NPNT: variants seen among roughly 807,000 people sequenced by gnomAD.
NPNT encodes the protein preosteoblast EGF-like repeat protein with MAM domain.
Under a neutral mutation model 68.6 loss-of-function variants are expected in NPNT, and 45 were observed. The ratio of observed to expected loss-of-function variants is 0.66; its 90% CI spans 0.52 to 0.84. The LOEUF is 0.84. Ranked by LOEUF, NPNT falls within the 40% of genes least tolerant of loss-of-function variation. NPNT has a pLI of 0.00. For missense variants in NPNT, 672 were observed against 714.8 expected (o/e 0.94, Z 0.68); for synonymous variants, 233 against 253.3 (o/e 0.92, Z 0.76).
intron 2 of NPNT, among the ~76,000 whole-genome samples, chr4:105,906,130 G>A (rs1158879655): frequency 6.6e-6 from 1 of 152,180 alleles, no homozygotes; most frequent in East Asian, 1.9e-4. Context: ...AGATATGTAA[G>A]CCATAGGATC....
At chr4:105,942,232 T>C (rs547077663) in intron 7 of NPNT, 75 bp from the exon 8 acceptor site, 1 of 1,158,992 alleles carries the variant, frequency 8.6e-7, no homozygotes, top group African/African-American at 1.5e-5. Context: ...TAGATGTTTT[T>C]ATGTCTGTCA....
intron 2 of NPNT, among the ~76,000 whole-genome samples, chr4:105,914,115 G>T (rs1439079626): frequency 6.6e-6 from 1 of 151,544 alleles, no homozygotes. Flanking sequence ...TAGGGATAAA[G>T]ATTTGAGGGA....
intron 8 of NPNT, among the ~76,000 whole-genome samples, chr4:105,946,492 A>G (rs989475765): frequency 2.0e-5 from 3 of 152,120 alleles, no homozygotes; most frequent in Middle Eastern, 3.2e-3. Context: ...TCTATTTTCC[A>G]TAAGTGTCCG....
chr4:105,967,544 C>G, intron 11 of NPNT, 100 bp downstream of exon 11: 1 of 1,267,864 alleles, frequency 7.9e-7, no homozygotes, highest in Non-Finnish European at 1.1e-6. Context: ...TGAATTCAGG[C>G]TCAGATAAAG....
In NPNT at chr4:105,940,586, A is replaced by G. The variant is rs961779045; in HGVS notation, c.713A>G (p.Tyr238Cys). 1.2e-6 allele frequency: 2 copies of G among 1,613,286 alleles called. No homozygotes were observed. The highest frequency in any genetic ancestry group is 1.7e-6 in the Non-Finnish European group (2 of 1,179,312). Residue 238 changes from tyrosine to cysteine, a missense_variant, in exon 7 of 12, where the codon TAC (tyrosine) becomes TGC (cysteine). Tyr to Cys is a radical substitution (Grantham distance 194). Coordinates refer to ENST00000379987, the MANE Select transcript of NPNT (RefSeq NM_001033047.3). ...FARCYNIRGS[Y>C]KCKCKEGYQG... The stretch of plus-strand genomic sequence containing the variant: ...CGATGTTATAACATACGTGGGTCCT[A>G]CAAGTGCAAATGTAAAGAAGGATAC...
intron 2 of NPNT, among the ~76,000 whole-genome samples, chr4:105,920,395 T>TAAAAAAAAAAAAAAAAAAAAAAAAAA (rs11355483): frequency 7.6e-5 from 6 of 79,458 alleles, no homozygotes; most frequent in African/African-American, 2.1e-4. Flanking sequence ...GTTACTCTAC[T>TAAAAAAAAAAAAAAAAAAAAAAAAAA]AAAAAAAAAA....
At chr4:105,939,840 G>A (rs532368701) in intron 5 of NPNT, among the ~76,000 whole-genome samples, 2 of 152,148 alleles carry the variant, frequency 1.3e-5, no homozygotes, top group African/African-American at 4.8e-5. Context: ...GGTAGATACA[G>A]GTGCAGTATG....
rs189152971 is a variant in NPNT at position 105,903,232 on chromosome 4, C to A, written c.172+5231C>A. ...CTCCTGTGTGTAACTTCCAGCATTT[C>A]TTTTTGTTGCTTTTTATCTACAGAA... On this transcript the variant is annotated intron_variant, in intron 2 of 11. Coordinates refer to ENST00000379987, the MANE Select transcript of NPNT (RefSeq NM_001033047.3). Among the ~76,000 whole-genome samples, 377 of 152,314 alleles carry A rather than the reference C, an allele frequency of 2.5e-3. 2 individuals carry two copies. Among genetic ancestry groups the A allele is most frequent in the African/African-American group, 8.7e-3 (361 of 41,564 alleles).
chr4:105,948,446 A>G (rs1328768130), intron 8 of NPNT, among the ~76,000 whole-genome samples: 1 of 152,160 alleles, frequency 6.6e-6, no homozygotes, highest in Non-Finnish European at 1.5e-5. Context: ...TGTAAAATTG[A>G]GGGAATATTC....
At chr4:105,956,121 T>A (rs959306561) in intron 8 of NPNT, among the ~76,000 whole-genome samples, 1 of 148,478 alleles carries the variant, frequency 6.7e-6, no homozygotes, top group Non-Finnish European at 1.5e-5. Context: ...AAGTTGTTAC[T>A]TGACTAATTC....
intron 9 of NPNT, 173 bp from the exon 10 acceptor site, chr4:105,958,855 A>G (rs1478578364): frequency 1.7e-6 from 1 of 581,282 alleles, no homozygotes; most frequent in East Asian, 2.8e-5. Context: ...CAGATGATGC[A>G]CTATTGTGCT....
In NPNT at chr4:105,971,377, A is replaced by G. The variant is rs1316946217; in HGVS notation, c.*2387A>G. On this transcript the variant is annotated 3_prime_UTR_variant, in exon 12 of 12. Transcript: ENST00000379987. ...GTAAAGGCAGGGCTGGAGGGGGAAAATAAATCATTAAGCCTTTGAGTAACG... is the reference window on the plus strand; with the variant it reads ...GTAAAGGCAGGGCTGGAGGGGGAAAGTAAATCATTAAGCCTTTGAGTAACG... 4.0e-6 allele frequency: 1 copy of G among 250,408 alleles called. No homozygotes were observed. The highest frequency in any genetic ancestry group is 2.2e-5 in the African/African-American group (1 of 45,554). The allele number at this position is 250,408 out of a possible 1,614,324, so 15.5% of individuals were successfully genotyped here. A position where few individuals can be genotyped will look rare whatever the true frequency, so the allele number is the denominator to read the frequency against.
rs568266387 is a variant in NPNT, at chr4:105,912,097, C to T, written c.172+14096C>T. The T allele has an allele frequency of 1.4e-4, 117 of 853,920 alleles. No individual in the cohort carries two copies. The African/African-American group carries it at 1.8e-3, about 13-fold the overall frequency. The allele number at this position is 853,920 out of a possible 1,614,324, so 52.9% of individuals were successfully genotyped here. On this transcript the variant is annotated intron_variant, in intron 2 of 11. Transcript: ENST00000379987. ...CTGAAAGTTGAATATGTGTAAGTCT[C>T]CGGGAATGTAACAAGTTGATAAATA... is the stretch of plus-strand genomic sequence containing the variant.
At chr4:105,912,159 A>G in intron 2 of NPNT, 1 of 1,506,430 alleles carries the variant, frequency 6.6e-7, no homozygotes, top group Non-Finnish European at 8.9e-7. Context: ...AAGATCTGGA[A>G]TTTCTTTTTT....
chr4:105,924,041 C>T lies in NPNT; in HGVS notation c.173-3295C>T, dbSNP rs536897860. ...TAAGAAGCAGTCCCCTTTGCTGCGC[C>T]CCCCCCCCACCACTTTGCTTATATT... On this transcript the variant is annotated intron_variant, in intron 2 of 11. Transcript: ENST00000379987. Among the ~76,000 whole-genome samples, 1,107 of 135,740 alleles carry T rather than the reference C, an allele frequency of 8.2e-3. 24 individuals are homozygous for T. Among genetic ancestry groups the T allele is most frequent in the Middle Eastern group, 7.0e-3 (2 of 286 alleles). 89.1% of individuals were successfully genotyped at this position (135,740 alleles called of 152,430 possible).
chr4:105,958,805 CATT>C, intron 9 of NPNT: 2 of 546,146 alleles, frequency 3.7e-6, no homozygotes, highest in Non-Finnish European at 6.5e-6. Flanking sequence ...GATGATGTAA[CATT>C]GTTATAATTT....
intron 8 of NPNT, among the ~76,000 whole-genome samples, chr4:105,944,210 T>G (rs745872833): frequency 1.3e-5 from 2 of 152,184 alleles, no homozygotes; most frequent in Non-Finnish European, 2.9e-5. Context: ...TTCTGAAATT[T>G]ATGTTTTTGT....
chr4:105,958,442 C>CAA lies in NPNT; in HGVS notation c.1160-28_1160-27insAA, dbSNP rs755620948. ...TATCAATACTTCACACACACACACA[C>CAA]ACAAAAACTCAAAACCTTTCTCTTG... On this transcript the variant is annotated intron_variant, in intron 8 of 11. Coordinates refer to ENST00000379987, the MANE Select transcript of NPNT (RefSeq NM_001033047.3). 3 of 1,421,912 alleles carry CAA rather than the reference C, an allele frequency of 2.1e-6. No homozygotes were observed. In the African/African-American group the frequency reaches 4.2e-5, roughly 20 times the overall value. The allele number at this position is 1,421,912 out of a possible 1,614,324, so 88.1% of individuals were successfully genotyped here.
rs553912242 is a variant in NPNT, at chr4:105,940,899, G to T, written c.763+263G>T. Among the ~76,000 whole-genome samples, 8 of 152,132 alleles carry T rather than the reference G, an allele frequency of 5.3e-5. 1 individual carries two copies. The East Asian group carries it at 1.4e-3, about 26-fold the overall frequency. ...TCAATATTTTCTTTTTAGCTAAAAA[G>T]AAATTATTGAGTCCTCCCTGAGAAT... On this transcript the variant is annotated intron_variant, in intron 7 of 11. Transcript: ENST00000379987.
Sources: allele counts gnomAD v4.1 joint callset (sites outside exome capture counted in the v4.1 genomes callset), GRCh38; gene constraint gnomAD v4.1.1; transcripts MANE v1.5; gene names NCBI Gene and HGNC (gene_info 2026-07-23, HGNC 2026-07-21).